IL1A: variants seen among roughly 807,000 people sequenced by gnomAD.
IL1A encodes interleukin-1 alpha.
In IL1A, 16 loss-of-function variants were observed where a neutral mutation model predicts 22.2. That is an observed-to-expected ratio of 0.72 (90% confidence interval 0.49 to 1.09). The LOEUF (loss-of-function observed/expected upper bound fraction) is 1.09. IL1A is among the 50% of genes least tolerant of loss of function. The probability of loss-of-function intolerance (pLI) is 0.00; values close to 1 mark genes in which losing one functional copy is unlikely to be tolerated. For synonymous variants in IL1A, 113 were observed against 118.5 expected (o/e 0.95, Z 0.30); for missense variants, 317 against 321.8 (o/e 0.99, Z 0.11).
In IL1A at chr2:112,774,414, A is replaced by G. The variant is rs940606647; in HGVS notation, c.*653T>C. ...GGGGTTCCCATAAATATAGTATATT[A>G]TAATTATCTTAAATATATTTATAAA... On this transcript the variant is annotated 3_prime_UTR_variant, in exon 7 of 7. Coordinates refer to ENST00000263339, the MANE Select transcript of IL1A (RefSeq NM_000575.5). 2 of 150,216 alleles carry G rather than the reference A, an allele frequency of 1.3e-5. No individual in the cohort carries two copies. Among genetic ancestry groups the G allele is most frequent in the Non-Finnish European group, 3.0e-5 (2 of 67,626 alleles). 9.3% of individuals were successfully genotyped at this position (150,216 alleles called of 1,614,324 possible). A position where few individuals can be genotyped will look rare whatever the true frequency, so the allele number is the denominator to read the frequency against.
rs1290689489 is a variant in IL1A at position 112,777,644 on chromosome 2, G to C, written c.615+343C>G. On this transcript the variant is annotated intron_variant, in intron 6 of 6. Coordinates refer to ENST00000263339, the MANE Select transcript of IL1A (RefSeq NM_000575.5). The stretch of plus-strand genomic sequence containing the variant: ...TCAGTTGGCTTATTTGAGTTTCTTG[G>C]AGGCAGGCCACATTGTCCTAATGTC... Among the ~76,000 whole-genome samples, 3 of 152,182 alleles carry C rather than the reference G, an allele frequency of 2.0e-5. No homozygotes were observed. The East Asian group carries it at 5.8e-4, about 29-fold the overall frequency.
chr2:112,782,142 A>G (rs1681220234), intron 3 of IL1A, among the ~76,000 whole-genome samples: 1 of 152,248 alleles, frequency 6.6e-6, no homozygotes, highest in African/African-American at 2.4e-5. Flanking sequence ...CAGGAGGTTA[A>G]AAATCTGCTT....
Position 112,777,977 on chromosome 2 carries a change from G to T in IL1A, c.615+10C>A. On this transcript the variant is annotated intron_variant, in intron 6 of 6. Coordinates refer to ENST00000263339, the MANE Select transcript of IL1A (RefSeq NM_000575.5). ...AAATGAAGGTAAGTTGGAGACAAAG[G>T]ACAACTGACCTTCAGCAGCACTGGT... The T allele has an allele frequency of 6.2e-7, 1 of 1,613,814 alleles. No individual in the cohort carries two copies. The highest frequency in any genetic ancestry group is 1.3e-5 in the African/African-American group (1 of 75,000).
Position 112,783,697 on chromosome 2 carries a change from T to A in IL1A, c.47+27A>T. 3.1e-6 allele frequency: 5 copies of A among 1,598,582 alleles called. No homozygotes were observed. In the South Asian group the frequency reaches 5.5e-5, roughly 18 times the overall value. ...GGTGAGCCTTGAAACCCTCATTAAA[T>A]CACAAGAGATAAATCTTATTCCTTA... is the stretch of plus-strand genomic sequence containing the variant. On this transcript the variant is annotated intron_variant, in intron 2 of 6. Coordinates refer to ENST00000263339, the MANE Select transcript of IL1A (RefSeq NM_000575.5).
chr2:112,782,755 T>A lies in IL1A; in HGVS notation c.57A>T (p.Glu19Asp). 6.2e-7 allele frequency: 1 copy of A among 1,607,812 alleles called. No individual in the cohort carries two copies. The highest frequency in any genetic ancestry group is 8.5e-7 in the Non-Finnish European group (1 of 1,174,366). ...GATGATCAATGGAGGAACTGTCTTC[T>A]TCATTTTCACTGTCAAAATAAGATG... ...EDLKNCYSENEEDSSSIDHLS... is the reference protein window; with the variant it reads ...EDLKNCYSENDEDSSSIDHLS... The change falls in exon 3 of 7, where the codon GAA becomes GAT. Residue 19 changes from glutamate (E) to aspartate (D), a missense_variant. By Grantham distance (45) the Glu-to-Asp change is conservative. Transcript: ENST00000263339.
chr2:112,781,451 G>A lies in IL1A; in HGVS notation c.319+153C>T, dbSNP rs565286131. On this transcript the variant is annotated intron_variant, in intron 4 of 6. Coordinates refer to ENST00000263339, the MANE Select transcript of IL1A (RefSeq NM_000575.5). ...CTGCTCATTTCTCCCTCCTGGAGAA[G>A]GATAAAAATTAATTTTCCTCTGTAT... is the stretch of plus-strand genomic sequence containing the variant. Among the ~76,000 whole-genome samples, 6 of 152,304 alleles carry A rather than the reference G, an allele frequency of 3.9e-5. No homozygotes were observed. In the East Asian group the frequency reaches 5.8e-4, roughly 15 times the overall value.
intron 6 of IL1A, 89 bp downstream of exon 6, chr2:112,777,898 T>A: frequency 7.4e-7 from 1 of 1,351,728 alleles, no homozygotes; most frequent in Non-Finnish European, 1.0e-6. Context: ...GAGGACAGTG[T>A]CACCTTGTTA....
chr2:112,777,469 G>C (rs1305974580), intron 6 of IL1A, among the ~76,000 whole-genome samples: 2 of 152,156 alleles, frequency 1.3e-5, no homozygotes, highest in Non-Finnish European at 2.9e-5. Context: ...GTTTGAGGGG[G>C]AAAGTGGTAG....
chr2:112,780,057 G>C (rs1240416204), intron 4 of IL1A, among the ~76,000 whole-genome samples: 1 of 152,136 alleles, frequency 6.6e-6, no homozygotes, highest in African/African-American at 2.4e-5. Flanking sequence ...ATGTCACAGA[G>C]AGTGCAAAGT....
chr2:112,784,108 G>A (rs1369350851), intron 1 of IL1A, among the ~76,000 whole-genome samples: 1 of 152,206 alleles, frequency 6.6e-6, no homozygotes, highest in Non-Finnish European at 1.5e-5. Flanking sequence ...TTACACAGAG[G>A]TAAGAGAGAG....
In IL1A at chr2:112,776,123, C is replaced by T. The variant is rs114440823; in HGVS notation, c.616-856G>A. On this transcript the variant is annotated intron_variant, in intron 6 of 6. Transcript: ENST00000263339. ...TTCTTTCCACTTCTTTTCCTTACCC[C>T]ACCCCCATGACTGCTGTGAAACCTC... Among the ~76,000 whole-genome samples the T allele has an allele frequency of 6.0e-3, 912 of 152,202 alleles. 6 individuals are homozygous for T. Among genetic ancestry groups the T allele is most frequent in the African/African-American group, 0.02 (844 of 41,518 alleles).
At chr2:112,781,869 A>G in intron 3 of IL1A, 43 bp from the exon 4 acceptor site, 1 of 1,388,528 alleles carries the variant, frequency 7.2e-7, no homozygotes, top group East Asian at 2.3e-5. Flanking sequence ...GTTCATGGTC[A>G]GGGAATGAAA....
chr2:112,782,618 C>T (rs1681231909), intron 3 of IL1A, 98 bp downstream of exon 3: 4 of 900,598 alleles, frequency 4.4e-6, no homozygotes, highest in Non-Finnish European at 7.3e-6. Context: ...GAGGGTAAAA[C>T]AAAAGTATTG....
intron 6 of IL1A, among the ~76,000 whole-genome samples, chr2:112,775,762 A>G (rs3783547): frequency 0.38 from 58,011 of 152,044 alleles, 11,277 homozygotes; most frequent in African/African-American, 0.42. Context: ...ACACGCACAC[A>G]CATACACACA....
At chr2:112,783,499 T>C (rs1681249289) in intron 2 of IL1A, among the ~76,000 whole-genome samples, 1 of 152,204 alleles carries the variant, frequency 6.6e-6, no homozygotes, top group Non-Finnish European at 1.5e-5. Context: ...ACCTCAAAAA[T>C]AATTTTTCTA....
intron 5 of IL1A, among the ~76,000 whole-genome samples, chr2:112,778,897 G>A (rs1681146891): frequency 6.6e-6 from 1 of 152,172 alleles, no homozygotes; most frequent in Non-Finnish European, 1.5e-5. Context: ...TTGCAAAATT[G>A]CCTCTCTGGA....
rs1430714917 is a variant in IL1A, at chr2:112,774,878, G to A, written c.*189C>T. On this transcript the variant is annotated 3_prime_UTR_variant, in exon 7 of 7. Transcript: ENST00000263339. ...ATTGGTACTATGCAAAATATAGGGTGTTCTTTAAATAACAACATTATATGT... is the reference window on the plus strand; with the variant it reads ...ATTGGTACTATGCAAAATATAGGGTATTCTTTAAATAACAACATTATATGT... 4 of 566,164 alleles carry A rather than the reference G, an allele frequency of 7.1e-6. No individual in the cohort carries two copies. The highest frequency in any genetic ancestry group is 6.1e-5 in the Admixed American group (2 of 32,860). The allele number at this position is 566,164 out of a possible 1,614,324, so 35.1% of individuals were successfully genotyped here.
At chr2:112,780,787 C>T (rs768760234) in intron 4 of IL1A, among the ~76,000 whole-genome samples, 5 of 152,090 alleles carry the variant, frequency 3.3e-5, no homozygotes, top group Admixed American at 6.6e-5. Flanking sequence ...CCTGTAATCC[C>T]GGCACTTTGG....
At chr2:112,782,314 T>C (rs933488372) in intron 3 of IL1A, among the ~76,000 whole-genome samples, 7 of 152,246 alleles carry the variant, frequency 4.6e-5, no homozygotes, top group Non-Finnish European at 1.0e-4. Context: ...ACTGGCTTGC[T>C]TCCTCTCTCT....
Sources: gnomAD v4.1 joint callset for allele counts (sites outside exome capture counted in the v4.1 genomes callset) on GRCh38, gnomAD v4.1.1 for gene constraint, MANE v1.5 for transcripts, NCBI Gene and HGNC (gene_info 2026-07-23, HGNC 2026-07-21) for gene names.